Variants in LRRC4C observed in about 807,000 individuals in gnomAD.
The protein encoded by LRRC4C is leucine rich repeat containing 4C.
A neutral mutation model predicts 33.6 loss-of-function variants in LRRC4C; 5 were observed. The ratio of observed to expected loss-of-function variants is 0.15; its 90% CI spans 0.08 to 0.31. The LOEUF is 0.31. Ranked by LOEUF, LRRC4C falls within the 10% of genes least tolerant of loss-of-function variation. LRRC4C has a pLI of 1.00. For synonymous variants in LRRC4C, 329 were observed against 302.0 expected (o/e 1.09, Z -0.93); for missense variants, 560 against 796.7 (o/e 0.70, Z 3.58).
At chr11:40,848,713 C>T (rs1180819119) in intron 2 of LRRC4C, among the ~76,000 whole-genome samples, 2 of 152,098 alleles carry the variant, frequency 1.3e-5, no homozygotes, top group Non-Finnish European at 2.9e-5. Context: ...AACCTTCTGT[C>T]TCATTGATTT....
intron 3 of LRRC4C, among the ~76,000 whole-genome samples, chr11:40,407,238 T>C (rs1475932347): frequency 6.6e-6 from 1 of 152,098 alleles, no homozygotes; most frequent in South Asian, 2.1e-4. Context: ...GTTCAGGCCA[T>C]GTGGATTTGA....
chr11:40,191,279 A>C (rs1377327080), intron 5 of LRRC4C, among the ~76,000 whole-genome samples: 1 of 152,208 alleles, frequency 6.6e-6, no homozygotes, highest in Non-Finnish European at 1.5e-5. Flanking sequence ...GACTTCACCA[A>C]GGAATTACTT....
intron 3 of LRRC4C, among the ~76,000 whole-genome samples, chr11:40,358,662 G>T (rs1185805301): frequency 1.3e-5 from 2 of 152,112 alleles, no homozygotes; most frequent in Non-Finnish European, 2.9e-5. Flanking sequence ...CCACAGGTTT[G>T]TCTCTTTGTG....
intron 3 of LRRC4C, among the ~76,000 whole-genome samples, chr11:40,547,283 T>G (rs1310725655): frequency 6.6e-6 from 1 of 152,096 alleles, no homozygotes; most frequent in Non-Finnish European, 1.5e-5. Flanking sequence ...TCCAAAACTT[T>G]TTTTTCATTT....
intron 3 of LRRC4C, among the ~76,000 whole-genome samples, chr11:40,480,486 GAGGA>G (rs1271094234): frequency 1.1e-4 from 16 of 152,054 alleles, no homozygotes; most frequent in African/African-American, 3.9e-4. Context: ...CTTGAAGGTA[GAGGA>G]GGGTGGGGAT....
chr11:41,231,310 C>G (rs1483496504), intron 1 of LRRC4C, among the ~76,000 whole-genome samples: 1 of 152,054 alleles, frequency 6.6e-6, no homozygotes, highest in African/African-American at 2.4e-5. Context: ...AAGACACATA[C>G]ACACACGTAT....
chr11:40,850,168 TC>T (rs1953410477), intron 2 of LRRC4C, among the ~76,000 whole-genome samples: 1 of 152,058 alleles, frequency 6.6e-6, no homozygotes, highest in African/African-American at 2.4e-5. Context: ...AGTTTTTTTT[TC>T]CCTTGCTGGT....
chr11:40,170,225 G>A (rs184941199), intron 5 of LRRC4C, among the ~76,000 whole-genome samples: 233 of 152,278 alleles, frequency 1.5e-3, no homozygotes, highest in African/African-American at 5.3e-3. Context: ...GAACATAAAA[G>A]CATTTTACCT....
intron 1 of LRRC4C, among the ~76,000 whole-genome samples, chr11:41,394,349 AT>A (rs1043612395): frequency 1.3e-5 from 2 of 151,954 alleles, no homozygotes; most frequent in African/African-American, 4.8e-5. Flanking sequence ...GGGGGACTTA[AT>A]CTAATTTGCA....
At chr11:40,681,728 C>A (rs754171211) in intron 2 of LRRC4C, among the ~76,000 whole-genome samples, 1 of 151,920 alleles carries the variant, frequency 6.6e-6, no homozygotes, top group Admixed American at 6.6e-5. Flanking sequence ...GGTGAAACCC[C>A]GTCTCTACAA....
chr11:41,458,486 CTT>C (rs1019551325), intron 1 of LRRC4C, among the ~76,000 whole-genome samples: 1 of 138,496 alleles, frequency 7.2e-6, no homozygotes, highest in Non-Finnish European at 1.5e-5. Flanking sequence ...AATTAAATAA[CTT>C]TGGGATTGAA....
chr11:41,134,915 C>G (rs896332565), intron 1 of LRRC4C, among the ~76,000 whole-genome samples: 1 of 152,088 alleles, frequency 6.6e-6, no homozygotes, highest in African/African-American at 2.4e-5. Context: ...CCATGAACAC[C>G]CCAAGCCATT....
intron 4 of LRRC4C, among the ~76,000 whole-genome samples, chr11:40,248,989 C>CA (rs538646287): frequency 2.6e-5 from 4 of 152,066 alleles, no homozygotes; most frequent in Non-Finnish European, 5.9e-5. Context: ...ACCTGATACC[C>CA]AAGAGTATCA....
At chr11:41,231,773 G>A (rs952439878) in intron 1 of LRRC4C, among the ~76,000 whole-genome samples, 5 of 148,148 alleles carry the variant, frequency 3.4e-5, no homozygotes, top group African/African-American at 7.4e-5. Flanking sequence ...ATATATATAT[G>A]TGTGTGTGTG....
At chr11:40,991,079 C>CAAA (rs199778124) in intron 1 of LRRC4C, among the ~76,000 whole-genome samples, 22 of 124,816 alleles carry the variant, frequency 1.8e-4, no homozygotes, top group African/African-American at 7.3e-4. Flanking sequence ...GAGTCTATTA[C>CAAA]AAAAAAAAAA....
At chr11:40,729,425 C>T (rs1344193492) in intron 2 of LRRC4C, among the ~76,000 whole-genome samples, 1 of 152,162 alleles carries the variant, frequency 6.6e-6, no homozygotes, top group African/African-American at 2.4e-5. Context: ...GTAAAAATAT[C>T]TCAATCCAGA....
chr11:40,553,784 G>A (rs1957221408), intron 3 of LRRC4C, among the ~76,000 whole-genome samples: 1 of 152,090 alleles, frequency 6.6e-6, no homozygotes, highest in African/African-American at 2.4e-5. Flanking sequence ...AGGGTTATGT[G>A]TTTTATTGTT....
intron 1 of LRRC4C, among the ~76,000 whole-genome samples, chr11:41,397,281 C>T (rs573022527): frequency 3.9e-5 from 6 of 151,922 alleles, no homozygotes; most frequent in Admixed American, 3.9e-4. Context: ...TCCTACACCT[C>T]TTTTGCCCTT....
chr11:41,172,079 T>G (rs2136100986), intron 1 of LRRC4C, among the ~76,000 whole-genome samples: 1 of 152,244 alleles, frequency 6.6e-6, no homozygotes, highest in African/African-American at 2.4e-5. Flanking sequence ...AGTGTGATTA[T>G]TTTGAGATGA....
Sources: allele counts gnomAD v4.1 joint callset (sites outside exome capture counted in the v4.1 genomes callset), GRCh38; gene constraint gnomAD v4.1.1; transcripts MANE v1.5; gene names NCBI Gene and HGNC (gene_info 2026-07-23, HGNC 2026-07-21).